RBM5: variants seen among roughly 807,000 people sequenced by gnomAD.
RBM5 encodes the protein RNA-binding protein 5.
Under a neutral mutation model 124.6 loss-of-function variants are expected in RBM5, and 15 were observed. The observed-to-expected ratio is 0.12, with a 90% CI of 0.08 to 0.19. The LOEUF (loss-of-function observed/expected upper bound fraction) is 0.19. Among genes scored for constraint, RBM5 ranks in the 10% least tolerant of loss-of-function variants. The pLI, the probability that RBM5 is intolerant of heterozygous loss-of-function variation, is 1.00. For missense variants in RBM5, 580 were observed against 1,026.5 expected, an observed-to-expected ratio of 0.57 and a Z score of 5.94; for synonymous variants, 337 against 361.2, an observed-to-expected ratio of 0.93 and a Z score of 0.76.
chr3:50,112,452 C>CGAAA (rs2091164527), intron 17 of RBM5, among the ~76,000 whole-genome samples: 1 of 141,396 alleles, frequency 7.1e-6, no homozygotes, highest in African/African-American at 2.7e-5. Context: ...AAAGTTGTGT[C>CGAAA]TGTTAGCCAC....
At chr3:50,091,950 A>G in intron 2 of RBM5, 93 bp from the exon 3 acceptor site, 1 of 1,358,284 alleles carries the variant, frequency 7.4e-7, no homozygotes, top group Non-Finnish European at 1.0e-6. Context: ...ATTATCTTAT[A>G]AACTGATCTG....
At chr3:50,115,041 G>A (rs1455568392) in intron 20 of RBM5, 2 of 179,506 alleles carry the variant, frequency 1.1e-5, no homozygotes, top group Non-Finnish European at 2.3e-5. Context: ...GGTGACAAGC[G>A]CCTGTAATCC....
chr3:50,114,411 G>A, intron 20 of RBM5, 160 bp downstream of exon 20: 1 of 658,284 alleles, frequency 1.5e-6, no homozygotes, highest in Non-Finnish European at 2.5e-6. Context: ...CCATGTCGGG[G>A]CTTTGTTTTC....
At chr3:50,109,885 G>T in intron 15 of RBM5, 197 bp downstream of exon 15, 1 of 502,504 alleles carries the variant, frequency 2.0e-6, no homozygotes, top group East Asian at 3.3e-5. Context: ...TTTCAACTGT[G>T]TATTTACACT....
At chr3:50,099,874 T>TAAAA (rs148796424) in intron 4 of RBM5, 108 bp from the exon 5 acceptor site, 14 of 797,094 alleles carry the variant, frequency 1.8e-5, no homozygotes, top group Admixed American at 7.4e-5. Context: ...ACTCCCATCT[T>TAAAA]AAAAAAAAAA....
rs2091265654 is a variant in RBM5, at chr3:50,117,007, A to G, written c.2095-67A>G. On this transcript the variant is annotated intron_variant, in intron 22 of 24. Coordinates refer to ENST00000347869, the MANE Select transcript of RBM5 (RefSeq NM_005778.4). This position sits in a 1 kb window ranked among gnomAD's most constrained non-coding sequence, Gnocchi z 4.2. ...AATACTTGAGGGGATAGTTTTGAATAGGTGCATTAGACGGTTACAGGTTGA... is the reference window on the plus strand; with the variant it reads ...AATACTTGAGGGGATAGTTTTGAATGGGTGCATTAGACGGTTACAGGTTGA... The G allele has an allele frequency of 1.4e-6, 2 of 1,403,160 alleles. No homozygotes were observed. Among genetic ancestry groups the G allele is most frequent in the East Asian group, 4.6e-5 (2 of 43,718 alleles). 86.9% of individuals were successfully genotyped at this position (1,403,160 alleles called of 1,614,324 possible). A position where few individuals can be genotyped will look rare whatever the true frequency, so the allele number is the denominator to read the frequency against.
In RBM5 at chr3:50,116,009, A is replaced by G. The variant is rs149312893; in HGVS notation, c.2094+29A>G. On this transcript the variant is annotated intron_variant, in intron 22 of 24. Coordinates refer to ENST00000347869, the MANE Select transcript of RBM5 (RefSeq NM_005778.4). ...AATGGGAAACTGTGCCACAAGGAAG[A>G]GGATATTGGGATAATTGCCTTTAGC... 316 of 1,576,082 alleles carry G rather than the reference A, an allele frequency of 2.0e-4. 2 individuals are homozygous for G. The African/African-American group carries it at 3.8e-3, about 19-fold the overall frequency.
At chr3:50,110,072 G>GT (rs1228226778) in intron 15 of RBM5, among the ~76,000 whole-genome samples, 3 of 152,136 alleles carry the variant, frequency 2.0e-5, no homozygotes, top group African/African-American at 4.8e-5. Context: ...TTAGCCGGGC[G>GT]TGGTGGCACA....
chr3:50,097,405 AAAAG>A (rs1332264815), intron 4 of RBM5, among the ~76,000 whole-genome samples: 2 of 151,980 alleles, frequency 1.3e-5, no homozygotes, highest in Admixed American at 1.3e-4. Context: ...AAAAAAAAAA[AAAAG>A]AAACTGCTAC....
chr3:50,094,179 C>CA (rs1299665162), intron 4 of RBM5: 1 of 173,646 alleles, frequency 5.8e-6, no homozygotes, highest in African/African-American at 2.6e-5. Context: ...TTTTTTAAGA[C>CA]AGAGTCTTGC....
At chr3:50,104,972 G>C in intron 8 of RBM5, 105 bp from the exon 9 acceptor site, 1 of 872,716 alleles carries the variant, frequency 1.1e-6, no homozygotes. Flanking sequence ...AGAAAAAAAC[G>C]ATTGTTTTGT....
chr3:50,098,759 G>A (rs1225313469), intron 4 of RBM5, among the ~76,000 whole-genome samples: 4 of 151,614 alleles, frequency 2.6e-5, no homozygotes, highest in Non-Finnish European at 4.4e-5. Context: ...TAAAATTTTT[G>A]TATACAGATG....
chr3:50,111,233 C>A (rs2091137459), intron 17 of RBM5, among the ~76,000 whole-genome samples: 2 of 152,114 alleles, frequency 1.3e-5, no homozygotes, highest in South Asian at 2.1e-4. Context: ...ATTGTTTAAC[C>A]TTTTAGAGTG....
chr3:50,117,277 C>T lies in RBM5; in HGVS notation c.2220C>T (p.Gly740=). Residue 740 remains glycine, a synonymous_variant, in exon 24 of 25, where the codon GGC becomes GGT. Transcript: ENST00000347869. The surrounding 1 kb of genome is among the most constrained non-coding windows in gnomAD (Gnocchi z 4.2). ...TVNYEQPTKD[G]IDHSNIGNKM... The stretch of plus-strand genomic sequence containing the variant: ...ATTACGAGCAACCCACCAAAGATGG[C>T]ATTGACCACAGTAACATTGGCAACA... 6.2e-7 allele frequency: 1 copy of T among 1,614,244 alleles called. No homozygotes were observed. Among genetic ancestry groups the T allele is most frequent in the Non-Finnish European group, 8.5e-7 (1 of 1,180,050 alleles).
At chr3:50,101,875 T>G (rs2090946307) in intron 6 of RBM5, 1 of 152,182 alleles carries the variant, frequency 6.6e-6, no homozygotes, top group Non-Finnish European at 1.5e-5. Flanking sequence ...CCAGCACACA[T>G]CCCTCCTAGT....
intron 24 of RBM5, chr3:50,118,014 A>C (rs2091289475): frequency 5.3e-6 from 2 of 375,228 alleles, no homozygotes. Context: ...TATCCTGTAT[A>C]ATGTGTGCCT....
intron 6 of RBM5, 76 bp from the exon 7 acceptor site, chr3:50,103,007 C>T (rs1184586910): frequency 1.1e-5 from 13 of 1,196,076 alleles, no homozygotes; most frequent in East Asian, 2.3e-5. Context: ...CTGATTTTTC[C>T]GAAGTGTGCT....
At position 50,096,013 on chromosome 3, in the gene RBM5, C is replaced by T. The variant is rs1014665966; in HGVS notation, c.339+2138C>T. ...TAAACCCTGGAAGTAATGAATGTGA[C>T]AAATGTGAGACAGGATATTAGAGTT... On this transcript the variant is annotated intron_variant, in intron 4 of 24. Coordinates refer to ENST00000347869, the MANE Select transcript of RBM5 (RefSeq NM_005778.4). Among the ~76,000 whole-genome samples, 11 of 152,218 alleles carry T rather than the reference C, an allele frequency of 7.2e-5. No homozygotes were observed. In the South Asian group the frequency reaches 2.3e-3, roughly 32 times the overall value.
At position 50,107,510 on chromosome 3, in the gene RBM5, G is replaced by A. The variant is rs1418250255; in HGVS notation, c.982G>A (p.Val328Ile). 3.1e-6 allele frequency: 5 copies of A among 1,608,440 alleles called. No homozygotes were observed. Among genetic ancestry groups the A allele is most frequent in the East Asian group, 4.5e-5 (2 of 44,840 alleles). ...KDLVLSDGNR[V>I]SAFSVASTAI... The stretch of plus-strand genomic sequence containing the variant: ...CTTGGTCCTCTCAGATGGTAACCGC[G>A]TCAGCGCTTTCTCTGTAGCTAGTAC... The change falls in exon 12 of 25, where the codon GTC (valine) becomes ATC (isoleucine). Residue 328 changes from valine to isoleucine, a missense_variant. By Grantham distance (29) the Val-to-Ile change is conservative. This residue lies in a region of RBM5 where 42 missense variants were observed against 101.1 expected (regional missense o/e 0.42). Transcript: ENST00000347869.
Sources: allele counts gnomAD v4.1 joint callset (sites outside exome capture counted in the v4.1 genomes callset), GRCh38; gene constraint gnomAD v4.1.1; regional missense constraint gnomAD v4.1.1; non-coding constraint Gnocchi (gnomAD v3.1); transcripts MANE v1.5; gene names NCBI Gene and HGNC (gene_info 2026-07-23, HGNC 2026-07-21).